Variants in PLCL1 observed in about 807,000 individuals in gnomAD.
PLCL1 encodes inactive phospholipase C-like protein 1.
In PLCL1, 41 loss-of-function variants were observed where a neutral mutation model predicts 84.4. The observed-to-expected ratio is 0.49, with a 90% CI of 0.38 to 0.63. The LOEUF (loss-of-function observed/expected upper bound fraction) is 0.63, where lower values mean the gene tolerates loss of function less well. Ranked by LOEUF, PLCL1 falls within the 30% of genes least tolerant of loss-of-function variation. PLCL1 has a pLI of 0.00. For missense variants in PLCL1, 1,206 were observed against 1,367.8 expected (o/e 0.88, Z 1.87); for synonymous variants, 490 against 488.3 (o/e 1.00, Z -0.05).
intron 1 of PLCL1, among the ~76,000 whole-genome samples, chr2:197,917,984 T>C (rs1008041810): frequency 3.9e-5 from 6 of 152,086 alleles, no homozygotes; most frequent in South Asian, 4.2e-4. Context: ...TCCATACTGA[T>C]ATAAAGAGTA....
intron 1 of PLCL1, among the ~76,000 whole-genome samples, chr2:198,076,568 C>A (rs910718072): frequency 6.6e-6 from 1 of 151,928 alleles, no homozygotes; most frequent in African/African-American, 2.4e-5. Flanking sequence ...AATAAGGGAC[C>A]CACTAGGGAA....
chr2:197,817,882 TA>T (rs938935908), intron 1 of PLCL1, among the ~76,000 whole-genome samples: 4 of 152,074 alleles, frequency 2.6e-5, no homozygotes, highest in East Asian at 1.9e-4. Context: ...GGAATTTATT[TA>T]TTTTTTTTAA....
At chr2:197,814,917 G>T (rs965950150) in intron 1 of PLCL1, among the ~76,000 whole-genome samples, 1 of 152,118 alleles carries the variant, frequency 6.6e-6, no homozygotes, top group Admixed American at 6.6e-5. Flanking sequence ...AGGAAGCTGT[G>T]GAAGAAAAGT....
intron 1 of PLCL1, among the ~76,000 whole-genome samples, chr2:198,015,733 C>T (rs1367512560): frequency 3.3e-5 from 5 of 151,832 alleles, no homozygotes; most frequent in Admixed American, 6.6e-5. Flanking sequence ...TGTAAGATAA[C>T]GAGGGTGGTC....
At chr2:198,047,873 C>G (rs1691843877) in intron 1 of PLCL1, among the ~76,000 whole-genome samples, 1 of 152,138 alleles carries the variant, frequency 6.6e-6, no homozygotes, top group Non-Finnish European at 1.5e-5. Context: ...AAATAACTAT[C>G]AGAGGGCAGG....
intron 1 of PLCL1, among the ~76,000 whole-genome samples, chr2:197,932,758 T>C (rs1688966704): frequency 6.6e-6 from 1 of 152,158 alleles, no homozygotes; most frequent in South Asian, 2.1e-4. Flanking sequence ...AATTAAAAGG[T>C]AAGTGAGACA....
intron 1 of PLCL1, among the ~76,000 whole-genome samples, chr2:197,848,190 T>C (rs1463294777): frequency 2.0e-5 from 3 of 152,172 alleles, no homozygotes; most frequent in Admixed American, 6.5e-5. Flanking sequence ...AACTGTTTCA[T>C]TGAAAGGTAA....
At chr2:198,119,574 T>A (rs1693823464) in intron 5 of PLCL1, among the ~76,000 whole-genome samples, 1 of 151,848 alleles carries the variant, frequency 6.6e-6, no homozygotes, top group South Asian at 2.1e-4. Flanking sequence ...TCTTCATCAC[T>A]CACATCCAGC....
At position 198,148,765 on chromosome 2, in the gene PLCL1, C is replaced by G. The variant is rs925837642; in HGVS notation, c.*1803C>G. The G allele has an allele frequency of 2.0e-5, 3 of 152,260 alleles. No homozygotes were observed. Among genetic ancestry groups the G allele is most frequent in the African/African-American group, 4.8e-5 (2 of 41,430 alleles). The allele number at this position is 152,260 out of a possible 1,614,324, so 9.4% of individuals were successfully genotyped here. On this transcript the variant is annotated 3_prime_UTR_variant, in exon 6 of 6. Transcript: ENST00000428675. ...TGATTTTACTAGTGTACCTCTTCAT[C>G]TACTTGAATTCTATTTGGTAAATCC...
intron 1 of PLCL1, among the ~76,000 whole-genome samples, chr2:197,996,941 C>T (rs374298009): frequency 2.0e-5 from 3 of 152,176 alleles, no homozygotes; most frequent in African/African-American, 4.8e-5. Context: ...CCTCACTACA[C>T]CACATTTTGA....
chr2:198,115,731 G>C (rs1343025458), intron 5 of PLCL1, among the ~76,000 whole-genome samples: 2 of 151,542 alleles, frequency 1.3e-5, no homozygotes, highest in Non-Finnish European at 3.0e-5. Context: ...TTGTGCAGTG[G>C]AACTCCATTT....
At chr2:197,806,751 C>T (rs1256136268) in intron 1 of PLCL1, among the ~76,000 whole-genome samples, 1 of 152,038 alleles carries the variant, frequency 6.6e-6, no homozygotes, top group East Asian at 1.9e-4. Flanking sequence ...ATTTTGGATT[C>T]TACTGTATTG....
intron 1 of PLCL1, among the ~76,000 whole-genome samples, chr2:197,903,760 C>T (rs1375022829): frequency 4.1e-5 from 6 of 147,976 alleles, no homozygotes; most frequent in African/African-American, 1.3e-4. Context: ...GCCTCAGCCT[C>T]CCAAAGTGCT....
At chr2:197,849,007 T>TTCACTTAGCAC (rs1687171443) in intron 1 of PLCL1, among the ~76,000 whole-genome samples, 1 of 152,200 alleles carries the variant, frequency 6.6e-6, no homozygotes, top group Non-Finnish European at 1.5e-5. Context: ...CCCTAGGTGC[T>TTCACTTAGCAC]AAGTGAATTG....
chr2:198,011,887 G>A (rs1267966663), intron 1 of PLCL1, among the ~76,000 whole-genome samples: 1 of 151,886 alleles, frequency 6.6e-6, no homozygotes, highest in Admixed American at 6.6e-5. Context: ...GACAATTTTT[G>A]TCCTAATGTC....
chr2:197,952,518 T>C (rs1689407132), intron 1 of PLCL1, among the ~76,000 whole-genome samples: 1 of 152,176 alleles, frequency 6.6e-6, no homozygotes, highest in South Asian at 2.1e-4. Context: ...ATTAAATTTA[T>C]TGATGCTGAA....
intron 1 of PLCL1, among the ~76,000 whole-genome samples, chr2:198,041,871 A>G (rs1574267946): frequency 6.6e-6 from 1 of 152,172 alleles, no homozygotes; most frequent in Admixed American, 6.5e-5. Flanking sequence ...TGTGTTTTGG[A>G]CAATAAGAGG....
intron 1 of PLCL1, among the ~76,000 whole-genome samples, chr2:197,860,469 G>A (rs188952449): frequency 1.3e-5 from 2 of 152,170 alleles, no homozygotes; most frequent in African/African-American, 2.4e-5. Flanking sequence ...TTCCACAATG[G>A]TTGAACTAAT....
chr2:197,886,626 AT>A (rs765674568), intron 1 of PLCL1, among the ~76,000 whole-genome samples: 2 of 151,996 alleles, frequency 1.3e-5, no homozygotes, highest in Non-Finnish European at 2.9e-5. Context: ...GAGTATGGAC[AT>A]ATTAAAAATG....
Sources: allele counts gnomAD v4.1 joint callset (sites outside exome capture counted in the v4.1 genomes callset), GRCh38; gene constraint gnomAD v4.1.1; transcripts MANE v1.5; gene names NCBI Gene and HGNC (gene_info 2026-07-23, HGNC 2026-07-21).